Variants in MEGF10 observed in about 807,000 individuals in gnomAD.
MEGF10 encodes the protein multiple EGF like domains 10, also known as multiple epidermal growth factor-like domains protein 10.
A neutral mutation model predicts 147.5 loss-of-function variants in MEGF10; 86 were observed. The observed-to-expected ratio is 0.58, with a 90% CI of 0.49 to 0.70. The LOEUF is 0.70. Ranked by LOEUF, MEGF10 falls within the 30% of genes least tolerant of loss-of-function variation. MEGF10 has a pLI of 0.00. For synonymous variants in MEGF10, 478 were observed against 525.5 expected (o/e 0.91, Z 1.24); for missense variants, 1,329 against 1,487.3 (o/e 0.89, Z 1.75).
In MEGF10 at chr5:127,398,759, A is replaced by C. The variant is rs1286512106; in HGVS notation, c.743A>C (p.His248Pro). The C allele has an allele frequency of 3.7e-6, 6 of 1,613,944 alleles. No homozygotes were observed. The highest frequency in any genetic ancestry group is 5.1e-6 in the Non-Finnish European group (6 of 1,179,886). ...CPCQNGGVCH[H>P]VTGECSCPSG... ...TGTCAAAATGGAGGAGTGTGTCATC[A>C]CGTCACTGGAGAATGCTCTTGCCCT... The change falls in exon 7 of 25, where the codon CAC becomes CCC. Residue 248 changes from histidine to proline, a missense_variant. This residue lies in a region of MEGF10 where 980 missense variants were observed against 1,085.9 expected (regional missense o/e 0.90). Transcript: ENST00000503335.
chr5:127,369,112 A>G (rs186052928), intron 4 of MEGF10, among the ~76,000 whole-genome samples: 3 of 152,298 alleles, frequency 2.0e-5, no homozygotes, highest in Non-Finnish European at 4.4e-5. Context: ...TCCGAACCCC[A>G]AACCCTTTAA....
intron 8 of MEGF10, among the ~76,000 whole-genome samples, chr5:127,407,767 CT>C (rs1370096032): frequency 3.9e-5 from 6 of 152,182 alleles, no homozygotes; most frequent in Non-Finnish European, 5.9e-5. Flanking sequence ...GGAGATAAAA[CT>C]GCTTGATAAA....
chr5:127,319,868 C>T (rs1376540507), intron 1 of MEGF10, among the ~76,000 whole-genome samples: 1 of 152,138 alleles, frequency 6.6e-6, no homozygotes, highest in African/African-American at 2.4e-5. Flanking sequence ...TATAGCAATT[C>T]GTATTATTGG....
chr5:127,245,157 T>C, the MEGF10 span, among the ~76,000 whole-genome samples: 2 of 152,180 alleles, frequency 1.3e-5, no homozygotes, highest in Admixed American at 1.3e-4. Flanking sequence ...AAGACAATCC[T>C]AAGCAAAAAG....
the MEGF10 span, among the ~76,000 whole-genome samples, chr5:127,281,653 A>C: frequency 1.3e-5 from 2 of 152,228 alleles, no homozygotes; most frequent in Middle Eastern, 3.4e-3. Flanking sequence ...GGATGAAGGA[A>C]AGGACAGGCA....
chr5:127,396,818 C>A, intron 6 of MEGF10, 40 bp downstream of exon 6: 1 of 1,585,924 alleles, frequency 6.3e-7, no homozygotes, highest in Non-Finnish European at 8.6e-7. Flanking sequence ...AGAGCCCACC[C>A]ACCCTCTCCA....
At chr5:127,435,641 C>CTTT in intron 16 of MEGF10, 152 bp downstream of exon 16, 1 of 681,708 alleles carries the variant, frequency 1.5e-6, no homozygotes, top group Non-Finnish European at 2.1e-6. Flanking sequence ...TTTTAAAATT[C>CTTT]TTTTTTTTTT....
chr5:127,307,561 G>A (rs1373694856), intron 1 of MEGF10, among the ~76,000 whole-genome samples: 6 of 152,172 alleles, frequency 3.9e-5, no homozygotes, highest in Non-Finnish European at 8.8e-5. Flanking sequence ...CTTCCTCTAT[G>A]TTGGCTCATG....
At chr5:127,310,024 T>TCC in intron 1 of MEGF10, among the ~76,000 whole-genome samples, 1 of 90,452 alleles carries the variant, frequency 1.1e-5, no homozygotes, top group African/African-American at 4.0e-5. Context: ...CTTTTTTTCT[T>TCC]TCTTTCTTTC....
At chr5:127,454,438 A>G (rs1766276161) in intron 22 of MEGF10, 128 bp from the exon 23 acceptor site, 4 of 695,518 alleles carry the variant, frequency 5.8e-6, no homozygotes. Context: ...TCTGGTGTAA[A>G]GGCTTGAAGA....
chr5:127,249,362 AAGGAGGAGG>A, the MEGF10 span, among the ~76,000 whole-genome samples: 639 of 151,538 alleles, frequency 4.2e-3, 4 homozygotes, highest in Non-Finnish European at 6.3e-3. Context: ...AGAGAAGAAG[AAGGAGGAGG>A]AGGAGGAGGA....
chr5:127,288,005 T>C (rs1402280382), upstream of MEGF10, among the ~76,000 whole-genome samples: 1 of 152,032 alleles, frequency 6.6e-6, no homozygotes, highest in East Asian at 1.9e-4. Flanking sequence ...GGAAAAAAGA[T>C]AATCTTCTCA....
At chr5:127,252,988 A>G in the MEGF10 span, among the ~76,000 whole-genome samples, 1 of 151,964 alleles carries the variant, frequency 6.6e-6, no homozygotes, top group Non-Finnish European at 1.5e-5. Context: ...CAAAGATAAC[A>G]TAGGGATAAC....
Position 127,353,805 on chromosome 5 carries a change from G to T in MEGF10, c.319+13175G>T, listed in dbSNP as rs545165001. 2.6e-5 allele frequency among the ~76,000 whole-genome samples: 4 copies of T among 152,314 alleles called. No homozygotes were observed. In the South Asian group the frequency reaches 8.3e-4, roughly 32 times the overall value. ...TAACTCAAAGTTCAAGTTCTAATGG[G>T]GGCGTCCAGGCAAGTGTGGCTTGTA... On this transcript the variant is annotated intron_variant, in intron 4 of 24. Coordinates refer to ENST00000503335, the MANE Select transcript of MEGF10 (RefSeq NM_001256545.2).
At chr5:127,331,948 T>A (rs1447036641) in intron 2 of MEGF10, among the ~76,000 whole-genome samples, 1 of 151,656 alleles carries the variant, frequency 6.6e-6, no homozygotes, top group Non-Finnish European at 1.5e-5. Flanking sequence ...GATGAGTGGG[T>A]TGCAATGATT....
rs145815113 is a variant in MEGF10, at chr5:127,410,479, C to A, written c.1008C>A (p.Ser336Arg). 1.2e-6 allele frequency: 2 copies of A among 1,614,148 alleles called. No individual in the cohort carries two copies. Among genetic ancestry groups the A allele is most frequent in the East Asian group, 2.2e-5 (1 of 44,892 alleles). Residue 336 changes from serine (S) to arginine (R), a missense_variant, in exon 9 of 25, where the codon AGC becomes AGA. Ser to Arg is a moderately radical substitution (Grantham distance 110). Transcript: ENST00000503335. ...CVNGGKCYHV[S>R]GACLCEAGFA... ...ACGGAGGGAAGTGTTACCACGTGAG[C>A]GGCGCATGCCTCTGTGAAGCAGGCT... is the stretch of plus-strand genomic sequence containing the variant.
intron 5 of MEGF10, among the ~76,000 whole-genome samples, chr5:127,379,216 C>T (rs576090059): frequency 6.6e-5 from 10 of 152,228 alleles, no homozygotes; most frequent in Admixed American, 3.3e-4. Flanking sequence ...AACTGGTGAT[C>T]GCGGTAGTCT....
chr5:127,353,731 G>A (rs1053422207), intron 4 of MEGF10, among the ~76,000 whole-genome samples: 2 of 144,228 alleles, frequency 1.4e-5, no homozygotes, highest in Non-Finnish European at 3.1e-5. Flanking sequence ...CTTTGGGGTA[G>A]ACTTAAGTCT....
chr5:127,342,157 A>G (rs1761705311), intron 4 of MEGF10, among the ~76,000 whole-genome samples: 1 of 152,184 alleles, frequency 6.6e-6, no homozygotes, highest in Non-Finnish European at 1.5e-5. Context: ...ATCTTAGAGA[A>G]TAATCATGAG....
Sources: allele counts gnomAD v4.1 joint callset (sites outside exome capture counted in the v4.1 genomes callset), GRCh38; gene constraint gnomAD v4.1.1; regional missense constraint gnomAD v4.1.1; transcripts MANE v1.5; gene names NCBI Gene and HGNC (gene_info 2026-07-23, HGNC 2026-07-21).